The following ZBTB16 variants were observed in gnomAD, a reference collection of about 807,000 sequenced individuals.
The protein encoded by ZBTB16 is zinc finger and BTB domain-containing protein 16.
A neutral mutation model predicts 56.8 loss-of-function variants in ZBTB16; 8 were observed. The observed-to-expected ratio is 0.14, with a 90% confidence interval of 0.08 to 0.25. The LOEUF (loss-of-function observed/expected upper bound fraction) is 0.25. ZBTB16 is among the 10% of genes least tolerant of loss of function. ZBTB16 has a pLI of 1.00. For synonymous variants in ZBTB16, 363 were observed against 368.5 expected (o/e 0.98, Z 0.17); for missense variants, 625 against 903.0 (o/e 0.69, Z 3.95).
chr11:114,106,007 A>G (rs1201246910), intron 2 of ZBTB16, among the ~76,000 whole-genome samples: 1 of 152,254 alleles, frequency 6.6e-6, no homozygotes, highest in African/African-American at 2.4e-5. Context: ...AATGCTTTAC[A>G]CATGACGGCT....
At chr11:114,151,732 C>A (rs1942283030) in intron 2 of ZBTB16, among the ~76,000 whole-genome samples, 1 of 152,244 alleles carries the variant, frequency 6.6e-6, no homozygotes, top group African/African-American at 2.4e-5. Context: ...TTCCCTTTGA[C>A]ATCTGCTAGT....
chr11:114,199,322 G>C (rs1346419629), intron 4 of ZBTB16, among the ~76,000 whole-genome samples: 2 of 151,842 alleles, frequency 1.3e-5, no homozygotes, highest in African/African-American at 2.4e-5. Flanking sequence ...CCCCGGGATG[G>C]GGATGCCGGA....
intron 2 of ZBTB16, among the ~76,000 whole-genome samples, chr11:114,147,232 C>G (rs187569905): frequency 7.2e-5 from 11 of 152,320 alleles, no homozygotes; most frequent in Admixed American, 2.0e-4. Context: ...TCAACAATCT[C>G]TGAGTTTCCA....
chr11:114,124,768 G>T (rs976685471), intron 2 of ZBTB16, among the ~76,000 whole-genome samples: 3 of 152,178 alleles, frequency 2.0e-5, no homozygotes, highest in African/African-American at 7.2e-5. Context: ...ACTGTGCAGG[G>T]TACACCTGTT....
At chr11:114,207,626 CAT>C (rs1555155511) in intron 4 of ZBTB16, among the ~76,000 whole-genome samples, 3 of 148,880 alleles carry the variant, frequency 2.0e-5, no homozygotes, top group East Asian at 2.0e-4. Context: ...CACACACACA[CAT>C]ATTGAGGCAG....
At chr11:114,230,627 T>C (rs1944420929) in intron 4 of ZBTB16, among the ~76,000 whole-genome samples, 1 of 18,914 alleles carries the variant, frequency 5.3e-5, no homozygotes, top group African/African-American at 1.6e-4. Context: ...GTAATCATCT[T>C]CTGTGGGGGG....
chr11:114,083,800 C>A (rs1452234840), intron 2 of ZBTB16, among the ~76,000 whole-genome samples: 3 of 152,110 alleles, frequency 2.0e-5, no homozygotes, highest in African/African-American at 7.2e-5. Context: ...CGCCCCCCCG[C>A]CCCACCGCCA....
intron 2 of ZBTB16, among the ~76,000 whole-genome samples, chr11:114,151,961 A>G (rs1942288442): frequency 6.6e-6 from 1 of 152,208 alleles, no homozygotes; most frequent in South Asian, 2.1e-4. Flanking sequence ...TAGGTAGGCT[A>G]GGTTGATAAA....
rs778586380 is a variant in ZBTB16, at chr11:114,064,426, C to A, written c.1126C>A (p.Pro376Thr). The change falls in exon 2 of 7, where the codon CCC becomes ACC. Residue 376 changes from proline to threonine, a missense_variant. By Grantham distance (38) the Pro-to-Thr change is conservative. Around this residue, in one of 6 missense-constraint regions of ZBTB16, gnomAD observed 384 missense variants for 393.5 expected, o/e 0.98. Transcript: ENST00000335953. This position sits in a 1 kb window ranked among gnomAD's most constrained non-coding sequence, Gnocchi z 4.2. ...CTTCAGCACCTATGGGGGGCTGCTG[C>A]CCCAGGGCTTCATCCAGAGGGAGCT... ...MDFSTYGGLL[P>T]QGFIQRELFS... The A allele has an allele frequency of 1.9e-6, 3 of 1,613,982 alleles. No homozygotes were observed. In the African/African-American group the frequency reaches 4.0e-5, roughly 22 times the overall value.
intron 4 of ZBTB16, among the ~76,000 whole-genome samples, chr11:114,220,077 G>A (rs144665622): frequency 9.8e-4 from 149 of 152,334 alleles, no homozygotes; most frequent in African/African-American, 3.3e-3. Context: ...TTTGGCCTCC[G>A]TCAAAGGGAA....
chr11:114,239,957 A>T (rs1253001391), intron 4 of ZBTB16, among the ~76,000 whole-genome samples: 1 of 152,226 alleles, frequency 6.6e-6, no homozygotes, highest in East Asian at 1.9e-4. Context: ...TACACTGGTA[A>T]AAAGGGGGAT....
At chr11:114,100,932 G>A (rs1473379092) in intron 2 of ZBTB16, among the ~76,000 whole-genome samples, 1 of 151,892 alleles carries the variant, frequency 6.6e-6, no homozygotes, top group East Asian at 1.9e-4. Flanking sequence ...TTAATGAGGA[G>A]ATACTCACGG....
Position 114,060,923 on chromosome 11 carries a change from C to A in ZBTB16, c.-91+1041C>A, listed in dbSNP as rs189525570. On this transcript the variant is annotated intron_variant, in intron 1 of 6. Coordinates refer to ENST00000335953, the MANE Select transcript of ZBTB16 (RefSeq NM_006006.6). The surrounding 1 kb of genome is among the most constrained non-coding windows in gnomAD (Gnocchi z 6.0). Reference sequence around the variant, plus strand: ...TCGCCTTTCCTCCCACAACTCGCTGCGGGGCTTTTGTGCTTCCCCTTCGCC... The same window carrying A: ...TCGCCTTTCCTCCCACAACTCGCTGAGGGGCTTTTGTGCTTCCCCTTCGCC... Among the ~76,000 whole-genome samples the A allele has an allele frequency of 8.5e-5, 13 of 152,248 alleles. No homozygotes were observed. Among genetic ancestry groups the A allele is most frequent in the Admixed American group, 4.6e-4 (7 of 15,308 alleles).
chr11:114,198,666 G>C, intron 4 of ZBTB16, among the ~76,000 whole-genome samples: 1 of 152,120 alleles, frequency 6.6e-6, no homozygotes, highest in East Asian at 1.9e-4. Context: ...GTCCTCACAC[G>C]CAAGTGCACA....
At chr11:114,222,120 T>C (rs1457571232) in intron 4 of ZBTB16, among the ~76,000 whole-genome samples, 1 of 152,194 alleles carries the variant, frequency 6.6e-6, no homozygotes, top group African/African-American at 2.4e-5. Flanking sequence ...TCTTTCATGC[T>C]GATCCTTGAG....
intron 2 of ZBTB16, among the ~76,000 whole-genome samples, chr11:114,104,371 T>A (rs116123775): frequency 0.041 from 6,222 of 152,232 alleles, 413 homozygotes; most frequent in African/African-American, 0.14. Context: ...GGGAAATACA[T>A]CAGTCTTCAC....
At chr11:114,225,399 A>G (rs1412237119) in intron 4 of ZBTB16, among the ~76,000 whole-genome samples, 2 of 152,176 alleles carry the variant, frequency 1.3e-5, no homozygotes, top group Non-Finnish European at 2.9e-5. Flanking sequence ...CTGTAGCAGA[A>G]TGCCTGAGAG....
At chr11:114,183,510 C>T (rs964964778) in intron 3 of ZBTB16, among the ~76,000 whole-genome samples, 5 of 152,232 alleles carry the variant, frequency 3.3e-5, no homozygotes, top group African/African-American at 1.2e-4. Flanking sequence ...TAAGAACCCT[C>T]CGCGCCACAT....
rs61107073 is a variant in ZBTB16, at chr11:114,256,022, GTT to G, written c.*5478_*5479del. 0.021 allele frequency among the ~76,000 whole-genome samples: 3,027 copies of G among 143,084 alleles called. 94 individuals are homozygous for G. The highest frequency in any genetic ancestry group is 0.072 in the African/African-American group (2,783 of 38,630). The allele number at this position is 143,084 out of a possible 152,430, so 93.9% of individuals were successfully genotyped here. A position where few individuals can be genotyped will look rare whatever the true frequency, so the allele number is the denominator to read the frequency against. On this transcript the variant is annotated 3_prime_UTR_variant, in exon 7 of 7. Transcript: ENST00000335953. ...TTATTGAAGTACTTGGTTTTGTTTT[GTT>G]TTTTTTTTTTGTTTTTTTTGCCTTT... is the stretch of plus-strand genomic sequence containing the variant.
Sources: gnomAD v4.1 joint callset for allele counts (sites outside exome capture counted in the v4.1 genomes callset) on GRCh38, gnomAD v4.1.1 for gene constraint, gnomAD v4.1.1 regional missense constraint, Gnocchi (gnomAD v3.1) non-coding constraint, MANE v1.5 for transcripts, NCBI Gene and HGNC (gene_info 2026-07-23, HGNC 2026-07-21) for gene names.